Variants in ARHGEF16 observed in about 807,000 individuals in gnomAD.
ARHGEF16 encodes Rho guanine nucleotide exchange factor 16.
In ARHGEF16, 59 loss-of-function variants were observed where a neutral mutation model predicts 74.1. The ratio of observed to expected loss-of-function variants is 0.80; its 90% CI spans 0.65 to 0.99. The LOEUF (loss-of-function observed/expected upper bound fraction) is 0.99, where lower values mean the gene tolerates loss of function less well. Among genes scored for constraint, ARHGEF16 ranks in the 50% least tolerant of loss-of-function variants. ARHGEF16 has a pLI of 0.00. For missense variants in ARHGEF16, 948 were observed against 986.6 expected, an observed-to-expected ratio of 0.96 and a Z score of 0.52; for synonymous variants, 415 against 412.6, an observed-to-expected ratio of 1.01 and a Z score of -0.07.
intron 4 of ARHGEF16, 21 bp from the exon 5 acceptor site, chr1:3,468,859 C>T (rs772399378): frequency 1.9e-5 from 30 of 1,550,248 alleles, no homozygotes; most frequent in South Asian, 2.4e-5. Context: ...ACCGAGAGCT[C>T]CTGGGCCTGT....
chr1:3,469,821 G>C (rs573680846), intron 6 of ARHGEF16, among the ~76,000 whole-genome samples: 48 of 152,296 alleles, frequency 3.2e-4, no homozygotes, highest in Middle Eastern at 3.4e-3. Flanking sequence ...GTGGCATCCT[G>C]GTCGTTCTTA....
chr1:3,466,334 G>A, intron 3 of ARHGEF16, 141 bp downstream of exon 3: 1 of 882,180 alleles, frequency 1.1e-6, no homozygotes, highest in East Asian at 2.7e-5. Flanking sequence ...CAGAGGCTGA[G>A]GTCCCAGTGG....
chr1:3,472,607 T>G (rs115028528), intron 6 of ARHGEF16, among the ~76,000 whole-genome samples: 3,676 of 152,276 alleles, frequency 0.024, 131 homozygotes, highest in African/African-American at 0.084. Flanking sequence ...CTTGTGCCTG[T>G]CCCCTGAGTC....
intron 8 of ARHGEF16, chr1:3,473,766 A>G: frequency 1.5e-6 from 1 of 648,600 alleles, no homozygotes; most frequent in Non-Finnish European, 2.6e-6. Context: ...TCACTTACTC[A>G]ATGGTTCATG....
intron 11 of ARHGEF16, 176 bp downstream of exon 11, chr1:3,478,202 G>A: frequency 1.0e-6 from 1 of 1,004,938 alleles, no homozygotes; most frequent in African/African-American, 1.6e-5. Context: ...CGCTCGCTGT[G>A]CAGCCTCTGA....
chr1:3,473,586 G>A, intron 8 of ARHGEF16, 64 bp downstream of exon 8: 2 of 1,596,412 alleles, frequency 1.3e-6, no homozygotes, highest in Non-Finnish European at 1.7e-6. Context: ...CCAGAGCCCT[G>A]CCCCGGATGG....
rs1043199465 is a variant in ARHGEF16 at position 3,473,316 on chromosome 1, A to G, written c.1176-77A>G. 2.3e-5 allele frequency: 37 copies of G among 1,579,088 alleles called. No individual in the cohort carries two copies. In the East Asian group the frequency reaches 7.9e-4, roughly 34 times the overall value. ...CAAAGCACATTCCTGCTCCCAGCCC[A>G]GCTTCTGCAGGTCCTGCCTGATTTT... is the stretch of plus-strand genomic sequence containing the variant. On this transcript the variant is annotated intron_variant, in intron 7 of 14. Coordinates refer to ENST00000378378, the MANE Select transcript of ARHGEF16 (RefSeq NM_014448.4).
intron 10 of ARHGEF16, among the ~76,000 whole-genome samples, chr1:3,477,478 G>A (rs1243944549): frequency 6.7e-6 from 1 of 149,424 alleles, no homozygotes; most frequent in Non-Finnish European, 1.5e-5. Flanking sequence ...GGGTGGGCCT[G>A]CCCCTGCCAA....
intron 2 of ARHGEF16, among the ~76,000 whole-genome samples, chr1:3,465,337 G>A (rs754896664): frequency 3.9e-5 from 6 of 152,194 alleles, no homozygotes; most frequent in African/African-American, 7.2e-5. Context: ...CCATGGCCTC[G>A]GGTCAGGGTA....
rs545310976 is a variant in ARHGEF16 at position 3,477,498 on chromosome 1, G to A, written c.1474-377G>A. 7.4e-5 allele frequency among the ~76,000 whole-genome samples: 11 copies of A among 149,630 alleles called. No homozygotes were observed. The South Asian group carries it at 8.6e-4, about 12-fold the overall frequency. ...GGCCTGCCCCTGCCAACCCTCCCTCGGGGCTGAGCAGGTCCTTGTGCCTAG... is the reference window on the plus strand; with the variant it reads ...GGCCTGCCCCTGCCAACCCTCCCTCAGGGCTGAGCAGGTCCTTGTGCCTAG... On this transcript the variant is annotated intron_variant, in intron 10 of 14. Coordinates refer to ENST00000378378, the MANE Select transcript of ARHGEF16 (RefSeq NM_014448.4).
intron 14 of ARHGEF16, 85 bp downstream of exon 14, chr1:3,479,998 T>G: frequency 7.3e-7 from 1 of 1,362,756 alleles, no homozygotes; most frequent in Non-Finnish European, 1.0e-6. Context: ...GTCCAGAGCA[T>G]GCCGGGCTGC....
At chr1:3,478,053 G>A (rs775031316) in intron 11 of ARHGEF16, 27 bp downstream of exon 11, 3 of 1,612,482 alleles carry the variant, frequency 1.9e-6, no homozygotes, top group East Asian at 2.2e-5. Flanking sequence ...AGGGTGTGGG[G>A]AGCCCCACTC....
intron 6 of ARHGEF16, 54 bp from the exon 7 acceptor site, chr1:3,473,024 G>T: frequency 1.3e-6 from 2 of 1,581,742 alleles, no homozygotes; most frequent in Non-Finnish European, 1.7e-6. Flanking sequence ...GTGTGCACAC[G>T]TGGGGCCCGA....
intron 3 of ARHGEF16, among the ~76,000 whole-genome samples, chr1:3,466,789 T>C (rs1000153481): frequency 6.6e-6 from 1 of 152,116 alleles, no homozygotes; most frequent in Non-Finnish European, 1.5e-5. Flanking sequence ...CAAGACACAA[T>C]GGCCCCTTCC....
At chr1:3,461,659 A>G (rs1639398337) in intron 1 of ARHGEF16, among the ~76,000 whole-genome samples, 1 of 152,202 alleles carries the variant, frequency 6.6e-6, no homozygotes, top group South Asian at 2.1e-4. Context: ...TGGCCGAGCA[A>G]TGCGCCGTCA....
chr1:3,472,736 A>C (rs1639763550), intron 6 of ARHGEF16: 2 of 210,166 alleles, frequency 9.5e-6, no homozygotes, highest in East Asian at 1.2e-4. Flanking sequence ...CCAACTGGAC[A>C]GGGCACCAGG....
Position 3,463,326 on chromosome 1 carries a change from T to C in ARHGEF16, c.242T>C (p.Leu81Pro), listed in dbSNP as rs41315266. Residue 81 changes from leucine to proline, a missense_variant, in exon 2 of 15, where the codon CTC (leucine) becomes CCC (proline). Physicochemically the swap from Leu to Pro is moderately conservative, Grantham distance 98. Coordinates refer to ENST00000378378, the MANE Select transcript of ARHGEF16 (RefSeq NM_014448.4). ...CTGAGCACAGAGAGCCCGGCGGCCC[T>C]CAAGCTGGGCACCCAACAGCTGATC... ...IVLSTESPAA[L>P]KLGTQQLIPK... 17 of 1,549,986 alleles carry C rather than the reference T, an allele frequency of 1.1e-5. No homozygotes were observed. The highest frequency in any genetic ancestry group is 1.5e-5 in the Non-Finnish European group (17 of 1,146,854).
chr1:3,463,547 C>G lies in ARHGEF16; in HGVS notation c.463C>G (p.Arg155Gly), dbSNP rs1453195678. Residue 155 changes from arginine (R) to glycine (G), a missense_variant, in exon 2 of 15, where the codon CGG becomes GGG. Coordinates refer to ENST00000378378, the MANE Select transcript of ARHGEF16 (RefSeq NM_014448.4). ...LRRNLRNQSY[R>G]AAMKGLGKPG... ...GCGGAACCTGCGGAACCAATCCTAC[C>G]GGGCGGCCATGAAGGGCCTGGGGAA... 1.4e-6 allele frequency: 2 copies of G among 1,461,794 alleles called. No individual in the cohort carries two copies. The highest frequency in any genetic ancestry group is 1.4e-5 in the South Asian group (1 of 69,978). The allele number at this position is 1,461,794 out of a possible 1,614,324, so 90.6% of individuals were successfully genotyped here. A position where few individuals can be genotyped will look rare whatever the true frequency, so the allele number is the denominator to read the frequency against.
intron 8 of ARHGEF16, chr1:3,474,358 C>A: frequency 3.3e-6 from 1 of 305,016 alleles, no homozygotes. Context: ...GTTGCCCAAG[C>A]CAAACAGAAC....
Sources: gnomAD v4.1 joint callset for allele counts (sites outside exome capture counted in the v4.1 genomes callset) on GRCh38, gnomAD v4.1.1 for gene constraint, MANE v1.5 for transcripts, NCBI Gene and HGNC (gene_info 2026-07-23, HGNC 2026-07-21) for gene names.